The following WARS2 variants were observed in gnomAD, a reference collection of about 807,000 sequenced individuals.
WARS2 encodes tryptophanyl tRNA synthetase 2, mitochondrial.
WARS2 carries 28 observed loss-of-function variants against 36.5 expected under a neutral mutation model. The ratio of observed to expected loss-of-function variants is 0.77; its 90% CI spans 0.57 to 1.05. The LOEUF is 1.05. Ranked by LOEUF, WARS2 falls within the 50% of genes least tolerant of loss-of-function variation. The pLI is 0.00. For synonymous variants in WARS2, 174 were observed against 178.4 expected, an observed-to-expected ratio of 0.98 and a Z score of 0.20; for missense variants, 435 against 456.8, an observed-to-expected ratio of 0.95 and a Z score of 0.44.
At chr1:119,102,334 T>C (rs1206346499) in intron 1 of WARS2, among the ~76,000 whole-genome samples, 1 of 152,240 alleles carries the variant, frequency 6.6e-6, no homozygotes, top group African/African-American at 2.4e-5. Flanking sequence ...AGCTTCTCTC[T>C]ATTTAACCGG....
intron 2 of WARS2, among the ~76,000 whole-genome samples, chr1:119,072,175 T>C (rs1431337763): frequency 1.3e-5 from 2 of 152,176 alleles, no homozygotes; most frequent in African/African-American, 4.8e-5. Context: ...CATGCCTTCA[T>C]GGCTCTAAGA....
At chr1:119,036,692 A>T (rs1410818604) in intron 4 of WARS2, among the ~76,000 whole-genome samples, 3 of 152,204 alleles carry the variant, frequency 2.0e-5, no homozygotes, top group Non-Finnish European at 4.4e-5. Flanking sequence ...AACCAAACTA[A>T]ACAGAAAACA....
chr1:119,076,689 G>A, intron 1 of WARS2, 82 bp from the exon 2 acceptor site: 1 of 1,550,736 alleles, frequency 6.4e-7, no homozygotes, highest in Non-Finnish European at 8.7e-7. Context: ...AGCTATGGGA[G>A]CTAGTTATAT....
intron 1 of WARS2, among the ~76,000 whole-genome samples, chr1:119,109,563 T>G (rs1654482555): frequency 6.6e-6 from 1 of 151,958 alleles, no homozygotes; most frequent in Admixed American, 6.6e-5. Context: ...TCCCCATCTC[T>G]TTACTTTAAA....
intron 1 of WARS2, among the ~76,000 whole-genome samples, chr1:119,133,126 T>G (rs1454314276): frequency 6.6e-6 from 1 of 152,184 alleles, no homozygotes; most frequent in Non-Finnish European, 1.5e-5. Flanking sequence ...AAACAGAACT[T>G]CCTACATGCA....
chr1:119,042,200 A>G, intron 4 of WARS2, 64 bp downstream of exon 4: 1 of 1,497,390 alleles, frequency 6.7e-7, no homozygotes, highest in African/African-American at 1.4e-5. Flanking sequence ...TCTGTATTGA[A>G]TAGGTTAAAA....
At chr1:119,098,055 C>T (rs1406622584) in intron 1 of WARS2, among the ~76,000 whole-genome samples, 1 of 152,056 alleles carries the variant, frequency 6.6e-6, no homozygotes, top group African/African-American at 2.4e-5. Flanking sequence ...TCGAGACCAG[C>T]CTGGCCAATA....
intron 1 of WARS2, among the ~76,000 whole-genome samples, chr1:119,121,338 A>C (rs1397640860): frequency 6.6e-6 from 1 of 152,182 alleles, no homozygotes; most frequent in Non-Finnish European, 1.5e-5. Context: ...CTAACCAAAG[A>C]GGTGAAAGAG....
At chr1:119,073,591 C>T (rs587675033) in intron 2 of WARS2, among the ~76,000 whole-genome samples, 17 of 152,280 alleles carry the variant, frequency 1.1e-4, no homozygotes, top group Middle Eastern at 3.4e-3. Context: ...TGCATTAAGG[C>T]TATGAGGAGA....
intron 1 of WARS2, among the ~76,000 whole-genome samples, chr1:119,097,007 TGC>T (rs1406013858): frequency 2.6e-5 from 4 of 152,178 alleles, no homozygotes; most frequent in African/African-American, 9.7e-5. Flanking sequence ...ACTTTTGTTT[TGC>T]TGTTACTATC....
chr1:119,138,130 T>C (rs372968496), intron 1 of WARS2, among the ~76,000 whole-genome samples: 5 of 152,198 alleles, frequency 3.3e-5, no homozygotes, highest in African/African-American at 1.2e-4. Flanking sequence ...TACTATACTC[T>C]TGCAAAATAA....
chr1:119,055,570 A>C (rs910078103), intron 2 of WARS2, among the ~76,000 whole-genome samples: 3 of 152,160 alleles, frequency 2.0e-5, no homozygotes, highest in African/African-American at 7.2e-5. Flanking sequence ...TGAACCCAGG[A>C]GGCAGAGGTT....
rs1379562340 is a variant in WARS2 at position 119,031,275 on chromosome 1, G to A, written c.*1636C>T. On this transcript the variant is annotated 3_prime_UTR_variant, in exon 6 of 6. Transcript: ENST00000235521. ...TTCCAGTATTCACAATCCTTTCAAAGTTTCCTTTAAAGGGGAAAAAACAGA... is the reference window on the plus strand; with the variant it reads ...TTCCAGTATTCACAATCCTTTCAAAATTTCCTTTAAAGGGGAAAAAACAGA... The A allele has an allele frequency of 6.6e-6, 1 of 152,198 alleles. No individual in the cohort carries two copies. The highest frequency in any genetic ancestry group is 1.5e-5 in the Non-Finnish European group (1 of 68,038). 9.4% of individuals were successfully genotyped at this position (152,198 alleles called of 1,614,324 possible).
intron 2 of WARS2, among the ~76,000 whole-genome samples, chr1:119,049,717 A>G (rs1222819436): frequency 2.6e-5 from 4 of 152,270 alleles, no homozygotes; most frequent in African/African-American, 9.6e-5. Context: ...TTAGGCAAAA[A>G]CCTTGGCATC....
At chr1:119,041,357 T>C (rs1044479011) in intron 4 of WARS2, among the ~76,000 whole-genome samples, 8 of 151,964 alleles carry the variant, frequency 5.3e-5, no homozygotes, top group African/African-American at 1.7e-4. Context: ...CACGGAAGAA[T>C]TGAGAGGGGG....
In WARS2 at chr1:119,048,021, T is replaced by C. The variant is rs144624720; in HGVS notation, c.349-2359A>G. Among the ~76,000 whole-genome samples the C allele has an allele frequency of 1.6e-4, 25 of 152,328 alleles. No individual in the cohort carries two copies. In the East Asian group the frequency reaches 3.7e-3, roughly 22 times the overall value. On this transcript the variant is annotated intron_variant, in intron 2 of 5. Coordinates refer to ENST00000235521, the MANE Select transcript of WARS2 (RefSeq NM_015836.4). ...GACATACAATGTACCTCAGGAAATA[T>C]TTGTTGAATGCGTGGGCAATAGCAA...
rs778784116 is a variant in WARS2, at chr1:119,140,628, A to T, written c.17T>A (p.Met6Lys). 3.1e-6 allele frequency: 5 copies of T among 1,613,758 alleles called. No homozygotes were observed. ...GCTCCAGCGCTCACGCGCTTTCCGC[A>T]TTGAGTGCAGCGCCATCTTGAGAAG... MALHS[M>K]RKARERWSFI... The change falls in exon 1 of 6, where the codon ATG becomes AAG. Residue 6 changes from methionine (M) to lysine (K), a missense_variant. Coordinates refer to ENST00000235521, the MANE Select transcript of WARS2 (RefSeq NM_015836.4).
chr1:119,125,014 C>T (rs1655557374), intron 1 of WARS2, among the ~76,000 whole-genome samples: 1 of 152,114 alleles, frequency 6.6e-6, no homozygotes, highest in Non-Finnish European at 1.5e-5. Flanking sequence ...TCTGTACTGT[C>T]TTATAGGGCT....
chr1:119,110,463 TGCTTGCGTGG>T lies in WARS2; in HGVS notation c.90+30082_90+30091del. On this transcript the variant is annotated intron_variant, in intron 1 of 5. Coordinates refer to ENST00000235521, the MANE Select transcript of WARS2 (RefSeq NM_015836.4). ...TAAATATTTCACTCCACTCTCTTTT[TGCTTGCGTGG>T]ATTCTGAAGAGAAGTCAATTGTAAT... 3.3e-5 allele frequency among the ~76,000 whole-genome samples: 5 copies of T among 152,224 alleles called. 1 individual carries two copies. The South Asian group carries it at 1.0e-3, about 32-fold the overall frequency.
Sources: gnomAD v4.1 joint callset for allele counts (sites outside exome capture counted in the v4.1 genomes callset) on GRCh38, gnomAD v4.1.1 for gene constraint, MANE v1.5 for transcripts, NCBI Gene and HGNC (gene_info 2026-07-23, HGNC 2026-07-21) for gene names.